Variants in NELL1 observed in about 807,000 individuals in gnomAD.
The protein encoded by NELL1 is neural EGFL like 1, also known as protein kinase C-binding protein NELL1.
Under a neutral mutation model 107.4 loss-of-function variants are expected in NELL1, and 76 were observed. That is an observed-to-expected ratio of 0.71 (90% CI 0.59 to 0.86). The LOEUF is 0.86. Ranked by LOEUF, NELL1 falls within the 40% of genes least tolerant of loss-of-function variation. The pLI is 0.00. For synonymous variants in NELL1, 353 were observed against 341.2 expected (o/e 1.03, Z -0.38); for missense variants, 1,024 against 1,005.5 (o/e 1.02, Z -0.25).
intron 13 of NELL1, 85 bp from the exon 14 acceptor site, chr11:21,229,247 T>C: frequency 6.7e-7 from 1 of 1,495,414 alleles, no homozygotes; most frequent in South Asian, 1.2e-5. Flanking sequence ...TCATTCTTAT[T>C]TGGTGAATTC....
chr11:20,887,991 TC>T (rs1296033709), intron 5 of NELL1, among the ~76,000 whole-genome samples: 19 of 152,084 alleles, frequency 1.2e-4, no homozygotes, highest in Non-Finnish European at 2.9e-5. Context: ...TTAAAAAACT[TC>T]TGTTTAAAAT....
At chr11:21,053,593 T>C (rs7108264) in intron 12 of NELL1, among the ~76,000 whole-genome samples, 11,475 of 152,122 alleles carry the variant, frequency 0.075, 792 homozygotes, top group African/African-American at 0.18. Flanking sequence ...AGCTTAGAAG[T>C]AGCAGATGGT....
chr11:20,719,232 C>T (rs1181539287), intron 2 of NELL1, among the ~76,000 whole-genome samples: 1 of 152,158 alleles, frequency 6.6e-6, no homozygotes, highest in Middle Eastern at 3.2e-3. Flanking sequence ...CTAGGGAGGA[C>T]AAACAAATGT....
intron 13 of NELL1, among the ~76,000 whole-genome samples, chr11:21,199,315 G>A (rs553254223): frequency 5.0e-4 from 76 of 152,110 alleles, no homozygotes; most frequent in Non-Finnish European, 9.7e-4. Flanking sequence ...AACAACTTTT[G>A]GGTAGTCAAC....
intron 14 of NELL1, among the ~76,000 whole-genome samples, chr11:21,335,042 T>A (rs1431659805): frequency 6.6e-6 from 1 of 152,008 alleles, no homozygotes; most frequent in East Asian, 1.9e-4. Context: ...TTAAGCCATT[T>A]GAAGAGGCTC....
At position 20,755,546 on chromosome 11, in the gene NELL1, T is replaced by TTTATTTTTTA. The variant is rs1564894982; in HGVS notation, c.185-28132_185-28131insATTTTTTATT. On this transcript the variant is annotated intron_variant, in intron 2 of 19. Transcript: ENST00000357134. ...AAGACCTGTGTGGGTTTTTGTTTTT[T>TTTATTTTTTA]TTTGTTTTTGTTTTTGTTTTTTTTT... is the stretch of plus-strand genomic sequence containing the variant. Among the ~76,000 whole-genome samples, 3 of 45,552 alleles carry TTTATTTTTTA rather than the reference T, an allele frequency of 6.6e-5. No individual in the cohort carries two copies. In the East Asian group the frequency reaches 3.2e-3, roughly 48 times the overall value. The allele number at this position is 45,552 out of a possible 152,430, so 29.9% of individuals were successfully genotyped here. A position where few individuals can be genotyped will look rare whatever the true frequency, so the allele number is the denominator to read the frequency against.
intron 13 of NELL1, among the ~76,000 whole-genome samples, chr11:21,211,503 TG>T (rs1489783595): frequency 6.6e-6 from 1 of 152,166 alleles, no homozygotes; most frequent in Non-Finnish European, 1.5e-5. Context: ...TGAAGAGCTT[TG>T]GCCAGGTGTG....
chr11:20,945,623 A>G (rs746691210), intron 10 of NELL1, among the ~76,000 whole-genome samples: 14 of 152,246 alleles, frequency 9.2e-5, no homozygotes, highest in Non-Finnish European at 2.1e-4. Flanking sequence ...CTTAGAGGCA[A>G]TAATGGTAAG....
intron 14 of NELL1, among the ~76,000 whole-genome samples, chr11:21,254,602 T>A (rs1263534844): frequency 6.6e-6 from 1 of 152,000 alleles, no homozygotes; most frequent in African/African-American, 2.4e-5. Flanking sequence ...TGCCTGGAAA[T>A]TCGTGTTTGT....
At chr11:20,684,909 T>C (rs1042353647) in intron 2 of NELL1, among the ~76,000 whole-genome samples, 5 of 152,126 alleles carry the variant, frequency 3.3e-5, no homozygotes, top group African/African-American at 9.6e-5. Context: ...ATAGGTACTA[T>C]TTCTGGCCCT....
chr11:20,991,929 T>C (rs922071035), intron 12 of NELL1, among the ~76,000 whole-genome samples: 2 of 148,000 alleles, frequency 1.4e-5, no homozygotes, highest in African/African-American at 5.1e-5. Context: ...TGACAGGTAT[T>C]GTACAGAAAG....
chr11:20,772,883 G>A (rs1485216309), intron 2 of NELL1, among the ~76,000 whole-genome samples: 1 of 152,168 alleles, frequency 6.6e-6, no homozygotes. Context: ...TATCTCATCT[G>A]TAAAATGGAG....
intron 12 of NELL1, among the ~76,000 whole-genome samples, chr11:21,006,651 G>A (rs1275318762): frequency 6.6e-6 from 1 of 152,044 alleles, no homozygotes; most frequent in Non-Finnish European, 1.5e-5. Context: ...AAGTTTCAGT[G>A]ACACGGTCTC....
chr11:21,206,762 A>G (rs747055709), intron 13 of NELL1, among the ~76,000 whole-genome samples: 1 of 152,174 alleles, frequency 6.6e-6, no homozygotes, highest in Non-Finnish European at 1.5e-5. Flanking sequence ...TATTTCAGAA[A>G]GGGAAAGAAC....
intron 13 of NELL1, among the ~76,000 whole-genome samples, chr11:21,171,494 T>G (rs1335313928): frequency 6.6e-6 from 1 of 151,940 alleles, no homozygotes; most frequent in African/African-American, 2.4e-5. Flanking sequence ...CTTAACAAAC[T>G]GCGAGTGTTT....
At position 21,503,069 on chromosome 11, in the gene NELL1, C is replaced by T. The variant is rs75313688; in HGVS notation, c.1646-31305C>T. On this transcript the variant is annotated intron_variant, in intron 15 of 19. Coordinates refer to ENST00000357134, the MANE Select transcript of NELL1 (RefSeq NM_006157.5). ...GCTAATTTTGTATTTTTAGTAGAGA[C>T]GGGGTTTCTCCATGTTGGTCAGGCT... Among the ~76,000 whole-genome samples the T allele has an allele frequency of 0.017, 2,536 of 151,984 alleles. 198 individuals are homozygous for T. In the East Asian group the frequency reaches 0.26, roughly 16 times the overall value.
chr11:21,329,098 G>T (rs1850213631), intron 14 of NELL1, among the ~76,000 whole-genome samples: 1 of 152,076 alleles, frequency 6.6e-6, no homozygotes. Context: ...TGAGATTTGG[G>T]AGGGTCCAGA....
intron 2 of NELL1, among the ~76,000 whole-genome samples, chr11:20,777,660 C>G (rs1189578055): frequency 6.6e-6 from 1 of 152,160 alleles, no homozygotes; most frequent in Non-Finnish European, 1.5e-5. Flanking sequence ...GTTGCTTTAC[C>G]TTTTGGGGCC....
intron 2 of NELL1, among the ~76,000 whole-genome samples, chr11:20,781,834 G>C (rs1856855310): frequency 7.4e-6 from 1 of 135,930 alleles, no homozygotes; most frequent in Non-Finnish European, 1.5e-5. Flanking sequence ...TTCAAGACCA[G>C]CCTGGGCAAC....
Sources: allele counts gnomAD v4.1 joint callset (sites outside exome capture counted in the v4.1 genomes callset), GRCh38; gene constraint gnomAD v4.1.1; transcripts MANE v1.5; gene names NCBI Gene and HGNC (gene_info 2026-07-23, HGNC 2026-07-21).